PLD5: variants seen among roughly 807,000 people sequenced by gnomAD.
PLD5 encodes the protein phospholipase D family member 5, also known as inactive phospholipase D5.
In PLD5, 36 loss-of-function variants were observed where a neutral mutation model predicts 61.1. That is an observed-to-expected ratio of 0.59 (90% CI 0.45 to 0.78). The LOEUF (loss-of-function observed/expected upper bound fraction) is 0.78, where lower values mean the gene tolerates loss of function less well. PLD5 is among the 30% of genes least tolerant of loss of function. The pLI, the probability that PLD5 is intolerant of heterozygous loss-of-function variation, is 0.00. For synonymous variants in PLD5, 243 were observed against 242.8 expected, an observed-to-expected ratio of 1.00 and a Z score of -0.01; for missense variants, 515 against 644.4, an observed-to-expected ratio of 0.80 and a Z score of 2.17.
At chr1:242,346,701 G>A (rs1660158110) in intron 2 of PLD5, among the ~76,000 whole-genome samples, 1 of 152,244 alleles carries the variant, frequency 6.6e-6, no homozygotes, top group African/African-American at 2.4e-5. Context: ...TTGTTACATA[G>A]GGAAATGTGG....
chr1:242,180,551 T>C (rs1470082318), intron 5 of PLD5, among the ~76,000 whole-genome samples: 1 of 152,124 alleles, frequency 6.6e-6, no homozygotes, highest in East Asian at 1.9e-4. Context: ...GATAACAATA[T>C]TTTTGCTAGA....
At chr1:242,247,204 C>G (rs2841937) in intron 4 of PLD5, among the ~76,000 whole-genome samples, 144,046 of 152,012 alleles carry the variant, frequency 0.95, 68,723 homozygotes, top group Non-Finnish European at 1. Flanking sequence ...GGATGGTCTC[C>G]ATCTCCTGAC....
intron 4 of PLD5, among the ~76,000 whole-genome samples, chr1:242,263,929 C>A (rs539100600): frequency 2.0e-5 from 3 of 152,330 alleles, no homozygotes; most frequent in African/African-American, 7.2e-5. Flanking sequence ...AGTTTACAAG[C>A]TTTAGCATGG....
intron 2 of PLD5, among the ~76,000 whole-genome samples, chr1:242,293,446 T>C (rs915689635): frequency 2.6e-5 from 4 of 152,212 alleles, no homozygotes; most frequent in African/African-American, 9.7e-5. Context: ...TTTATTATAG[T>C]ATACTGTTAT....
chr1:242,348,462 T>C (rs1660267132), intron 1 of PLD5, among the ~76,000 whole-genome samples: 1 of 152,126 alleles, frequency 6.6e-6, no homozygotes, highest in African/African-American at 2.4e-5. Flanking sequence ...CCCTGTTAAA[T>C]AATTCAAGTG....
intron 1 of PLD5, among the ~76,000 whole-genome samples, chr1:242,440,352 T>G (rs1173755373): frequency 6.6e-6 from 1 of 152,140 alleles, no homozygotes; most frequent in African/African-American, 2.4e-5. Flanking sequence ...CAGCCGACAA[T>G]GTTGTTCTGA....
chr1:242,098,731 G>A (rs556904788), intron 9 of PLD5, among the ~76,000 whole-genome samples: 2 of 152,250 alleles, frequency 1.3e-5, no homozygotes, highest in South Asian at 4.2e-4. Context: ...GTACAGATGG[G>A]GTTTTGGTGT....
chr1:242,123,598 A>G (rs1662551641), intron 6 of PLD5, among the ~76,000 whole-genome samples: 1 of 152,214 alleles, frequency 6.6e-6, no homozygotes, highest in Non-Finnish European at 1.5e-5. Context: ...ATGTGGGAGG[A>G]AACAGCAGTA....
At chr1:242,253,269 T>C (rs1256299026) in intron 4 of PLD5, among the ~76,000 whole-genome samples, 1 of 149,552 alleles carries the variant, frequency 6.7e-6, no homozygotes, top group East Asian at 2.0e-4. Flanking sequence ...AGTGCTGGCA[T>C]TACAAGTGTG....
At chr1:242,351,914 C>A (rs1406532543) in intron 1 of PLD5, among the ~76,000 whole-genome samples, 11 of 152,180 alleles carry the variant, frequency 7.2e-5, no homozygotes, top group Non-Finnish European at 5.9e-5. Context: ...ATTTTTCATT[C>A]ATCCCTTATT....
intron 1 of PLD5, among the ~76,000 whole-genome samples, chr1:242,509,139 G>A (rs1254660035): frequency 6.6e-6 from 1 of 151,804 alleles, no homozygotes; most frequent in African/African-American, 2.4e-5. Flanking sequence ...CACTTTGGGA[G>A]GCTGAGGCAG....
At position 242,107,722 on chromosome 1, in the gene PLD5, A is replaced by T; in HGVS notation, c.1188T>A (p.Ile396=). 1.2e-6 allele frequency: 2 copies of T among 1,607,732 alleles called. No homozygotes were observed. The highest frequency in any genetic ancestry group is 1.7e-6 in the Non-Finnish European group (2 of 1,178,572). The part of the protein sequence containing the change: ...KETDPLTFNF[I]SSLKAICTEI... ...CAGTGCAAATCGCTTTAAGAGATGA[A>T]ATAAAGTTAAACGTAAGGGGATCAG... Residue 396 remains isoleucine, a synonymous_variant, in exon 8 of 10, where the codon ATT becomes ATA. Coordinates refer to ENST00000536534, the MANE Select transcript of PLD5 (RefSeq NM_001372062.1).
At chr1:242,390,382 A>G (rs193081055) in intron 1 of PLD5, among the ~76,000 whole-genome samples, 2 of 152,314 alleles carry the variant, frequency 1.3e-5, no homozygotes, top group South Asian at 2.1e-4. Context: ...TACTAAAAAC[A>G]TATTTGTTCC....
chr1:242,135,652 C>T (rs148670058), intron 5 of PLD5, among the ~76,000 whole-genome samples: 2 of 151,988 alleles, frequency 1.3e-5, no homozygotes, highest in Non-Finnish European at 2.9e-5. Flanking sequence ...TAGGATGGGC[C>T]ATTGGCATGA....
intron 2 of PLD5, among the ~76,000 whole-genome samples, chr1:242,337,208 T>C (rs908004717): frequency 6.6e-5 from 10 of 152,226 alleles, no homozygotes; most frequent in African/African-American, 2.4e-4. Context: ...TAAGAAAGCA[T>C]CTGCATAATA....
Position 242,089,966 on chromosome 1 carries a change from T to G in PLD5, c.1499A>C (p.Lys500Thr). 6.2e-7 allele frequency: 1 copy of G among 1,614,206 alleles called. No individual in the cohort carries two copies. The highest frequency in any genetic ancestry group is 8.5e-7 in the Non-Finnish European group (1 of 1,180,044). ...FERDWYSPYA[K>T]TLQPTKQPNC... is the part of the protein sequence containing the mutation. ...CGGCTGTTTGGTTGGCTGTAAGGTTTTGGCATACGGTGAATACCAGTCCCT... is the reference window on the plus strand; with the variant it reads ...CGGCTGTTTGGTTGGCTGTAAGGTTGTGGCATACGGTGAATACCAGTCCCT... The change falls in exon 10 of 10, where the codon AAA becomes ACA. Residue 500 changes from lysine to threonine, a missense_variant. Coordinates refer to ENST00000536534, the MANE Select transcript of PLD5 (RefSeq NM_001372062.1).
intron 1 of PLD5, among the ~76,000 whole-genome samples, chr1:242,492,018 T>A (rs1382308847): frequency 6.6e-6 from 1 of 152,238 alleles, no homozygotes; most frequent in African/African-American, 2.4e-5. Flanking sequence ...CTTTTTTATC[T>A]GTATGAATGA....
At chr1:242,454,625 G>T (rs1372722728) in intron 1 of PLD5, among the ~76,000 whole-genome samples, 1 of 149,692 alleles carries the variant, frequency 6.7e-6, no homozygotes, top group Non-Finnish European at 1.5e-5. Context: ...TTCTATTAAG[G>T]TATTATGAAC....
At chr1:242,179,064 T>C (rs1667352858) in intron 5 of PLD5, among the ~76,000 whole-genome samples, 1 of 152,242 alleles carries the variant, frequency 6.6e-6, no homozygotes, top group Admixed American at 6.5e-5. Context: ...TTTTATGTAA[T>C]TGCATGAGCA....
Sources: allele counts gnomAD v4.1 joint callset (sites outside exome capture counted in the v4.1 genomes callset), GRCh38; gene constraint gnomAD v4.1.1; transcripts MANE v1.5; gene names NCBI Gene and HGNC (gene_info 2026-07-23, HGNC 2026-07-21).